Variants in BLOC1S3 observed in about 807,000 individuals in gnomAD.
BLOC1S3 encodes the protein biogenesis of lysosome-related organelles complex 1 subunit 3.
In BLOC1S3, 7 loss-of-function variants were observed where a neutral mutation model predicts 9.1. The ratio of observed to expected loss-of-function variants is 0.77; its 90% CI spans 0.44 to 1.45. BLOC1S3 has a LOEUF of 1.45. Among genes scored for constraint, BLOC1S3 ranks in the 40% most tolerant of loss-of-function variants. The pLI is 0.01. For synonymous variants in BLOC1S3, 145 were observed against 158.4 expected (o/e 0.92, Z 0.64); for missense variants, 307 against 315.2 (o/e 0.97, Z 0.20).
At chr19:45,184,903 CAAAAAAAAAAAAAAAAAA>C (rs71338752), downstream of BLOC1S3, among the ~76,000 whole-genome samples, 2 of 48,278 alleles carry the variant, frequency 4.1e-5, no homozygotes, top group Non-Finnish European at 8.0e-5. Flanking sequence ...CTGTCTCAAA[CAAAAAAAAAAAAAAAAAA>C]AAAAAAAAAA....
chr19:45,215,175 C>T (rs189424543), intron 3 of BLOC1S3, among the ~76,000 whole-genome samples: 68 of 151,984 alleles, frequency 4.5e-4, no homozygotes, highest in Admixed American at 1.4e-3. Flanking sequence ...AACAAAATAC[C>T]CCTTATAAAG....
chr19:45,194,993 A>G (rs1348752025), intron 2 of BLOC1S3, among the ~76,000 whole-genome samples: 2 of 149,540 alleles, frequency 1.3e-5, no homozygotes, highest in Admixed American at 6.7e-5. Flanking sequence ...GTGCAATGAC[A>G]TGATCTCAGC....
At chr19:45,208,961 G>A (rs1427376603) in intron 3 of BLOC1S3, among the ~76,000 whole-genome samples, 1 of 152,070 alleles carries the variant, frequency 6.6e-6, no homozygotes, top group African/African-American at 2.4e-5. Flanking sequence ...GGAGGACTGG[G>A]GAGACGGTGG....
At chr19:45,200,367 A>C (rs1969681563) in intron 2 of BLOC1S3, among the ~76,000 whole-genome samples, 1 of 151,978 alleles carries the variant, frequency 6.6e-6, no homozygotes, top group African/African-American at 2.4e-5. Flanking sequence ...TATTTTTAGT[A>C]GAGATGGGGT....
intron 2 of BLOC1S3, among the ~76,000 whole-genome samples, chr19:45,192,316 A>G (rs147684230): frequency 0.014 from 2,099 of 152,238 alleles, 20 homozygotes; most frequent in Middle Eastern, 0.034. Flanking sequence ...CCTTCAGGGC[A>G]GTGGGCTCCC....
intron 3 of BLOC1S3, among the ~76,000 whole-genome samples, chr19:45,206,074 G>A (rs912011477): frequency 2.6e-5 from 4 of 152,206 alleles, no homozygotes; most frequent in Non-Finnish European, 5.9e-5. Context: ...GGGGCCGGGC[G>A]CAGTGACTCA....
intron 3 of BLOC1S3, chr19:45,212,983 G>A: frequency 7.3e-7 from 1 of 1,365,356 alleles, no homozygotes; most frequent in East Asian, 2.8e-5. Flanking sequence ...TGTGGTCCCA[G>A]GCAGGGAGTC....
intron 3 of BLOC1S3, chr19:45,215,941 A>T (rs1909980006): frequency 1.5e-6 from 2 of 1,308,746 alleles, no homozygotes; most frequent in South Asian, 1.4e-5. Context: ...CCCTGGTTCC[A>T]GCAGGAAACG....
chr19:45,197,018 C>A (rs1047412140), intron 2 of BLOC1S3, among the ~76,000 whole-genome samples: 10 of 152,018 alleles, frequency 6.6e-5, no homozygotes, highest in Non-Finnish European at 1.5e-4. Context: ...CCCACAGGGG[C>A]CCACGGGGTT....
At position 45,213,910 on chromosome 19, in the gene BLOC1S3, C is replaced by T. The variant is rs535946189; in HGVS notation, n.283-2766C>T. Among the ~76,000 whole-genome samples, 29 of 151,984 alleles carry T rather than the reference C, an allele frequency of 1.9e-4. 1 individual carries two copies. The highest frequency in any genetic ancestry group is 1.7e-3 in the Admixed American group (26 of 15,234). On this transcript the variant is annotated intron_variant and non_coding_transcript_variant, in intron 3 of 3. Coordinates refer to the BLOC1S3 transcript ENST00000591569. ...CAGAGGTTGCAGTGAGCTGAGATCG[C>T]GCCACTGCAGTCCAGCCTGGGTGAC...
At chr19:45,206,450 GTTTTTTTTT>G (rs1054281226) in intron 3 of BLOC1S3, among the ~76,000 whole-genome samples, 8 of 55,152 alleles carry the variant, frequency 1.5e-4, no homozygotes, top group Non-Finnish European at 2.5e-4. Flanking sequence ...GATTAATCAA[GTTTTTTTTT>G]TTTTTTTTTT....
intron 3 of BLOC1S3, among the ~76,000 whole-genome samples, chr19:45,204,974 TC>T (rs1969716481): frequency 1.3e-5 from 2 of 151,916 alleles, no homozygotes; most frequent in Non-Finnish European, 2.9e-5. Context: ...CCTCGCGTAA[TC>T]CCCCCACCTT....
intron 2 of BLOC1S3, among the ~76,000 whole-genome samples, chr19:45,194,071 G>A (rs111325925): frequency 0.34 from 39,909 of 117,630 alleles, 7,408 homozygotes; most frequent in Non-Finnish European, 0.38. Flanking sequence ...CCAAAGTGCT[G>A]GGATTACAGG....
intron 3 of BLOC1S3, among the ~76,000 whole-genome samples, chr19:45,209,824 C>T (rs1051849702): frequency 6.6e-6 from 1 of 152,030 alleles, no homozygotes; most frequent in Non-Finnish European, 1.5e-5. Flanking sequence ...CTCTGCCTCC[C>T]GGGTTCAAGC....
chr19:45,190,574 AT>A (rs35906708), intron 2 of BLOC1S3, among the ~76,000 whole-genome samples: 55,075 of 149,084 alleles, frequency 0.37, 11,067 homozygotes, highest in Non-Finnish European at 0.45. Context: ...CAATTTTTGT[AT>A]TTTTTTTGTA....
At chr19:45,213,482 T>A in intron 3 of BLOC1S3, 1 of 1,144,578 alleles carries the variant, frequency 8.7e-7, no homozygotes, top group Non-Finnish European at 1.2e-6. Flanking sequence ...GGGGCCTCTG[T>A]GTCCCCTCCA....
intron 3 of BLOC1S3, chr19:45,213,204 C>T: frequency 6.2e-7 from 1 of 1,610,628 alleles, no homozygotes; most frequent in Non-Finnish European, 8.5e-7. Flanking sequence ...ATGGGCGGGG[C>T]ACAGGGATGT....
chr19:45,216,289 G>T (rs1969834283), intron 3 of BLOC1S3: 4 of 1,482,864 alleles, frequency 2.7e-6, no homozygotes, highest in Non-Finnish European at 3.6e-6. Flanking sequence ...CTAAAATGTA[G>T]CAGAAACCAG....
chr19:45,193,147 A>G (rs1475655445), intron 2 of BLOC1S3, among the ~76,000 whole-genome samples: 1 of 133,290 alleles, frequency 7.5e-6, no homozygotes, highest in Non-Finnish European at 1.5e-5. Flanking sequence ...AAAAAAAAAA[A>G]AAAAAAAAAA....
Sources: gnomAD v4.1 joint callset for allele counts (sites outside exome capture counted in the v4.1 genomes callset) on GRCh38, gnomAD v4.1.1 for gene constraint, MANE v1.5 for transcripts, NCBI Gene and HGNC (gene_info 2026-07-23, HGNC 2026-07-21) for gene names.